The following SMARCD2 variants were observed in gnomAD, a reference collection of about 807,000 sequenced individuals.
SMARCD2 encodes the protein SWI/SNF-related matrix-associated actin-dependent regulator of chromatin subfamily D member 2.
In SMARCD2, 39 loss-of-function variants were observed where a neutral mutation model predicts 70.4. The ratio of observed to expected loss-of-function variants is 0.55; its 90% CI spans 0.43 to 0.72. The LOEUF (loss-of-function observed/expected upper bound fraction) is 0.72. Ranked by LOEUF, SMARCD2 falls within the 30% of genes least tolerant of loss-of-function variation. SMARCD2 has a pLI of 0.00. For synonymous variants in SMARCD2, 249 were observed against 279.4 expected (o/e 0.89, Z 1.08); for missense variants, 540 against 713.4 (o/e 0.76, Z 2.77).
rs756404684 is a variant in SMARCD2, at chr17:63,837,007, T to A, written c.482A>T (p.Asp161Val). The change falls in exon 4 of 13, where the codon GAT (aspartate) becomes GTT (valine). Residue 161 changes from aspartate (D) to valine (V), a missense_variant. By Grantham distance (152) the Asp-to-Val change is radical (BLOSUM62 -3). Transcript: ENST00000448276. The surrounding 1 kb of genome is among the most constrained non-coding windows in gnomAD (Gnocchi z 6.4). Reference sequence around the variant, plus strand: ...CAGCTTCCGCTCAAAAGCCAAGAGATCCATGTACGCCTGAGACTCTGGAAC... The same window carrying A: ...CAGCTTCCGCTCAAAAGCCAAGAGAACCATGTACGCCTGAGACTCTGGAAC... The part of the protein sequence containing the change: ...ELVPESQAYM[D>V]LLAFERKLDQ... 6.2e-7 allele frequency: 1 copy of A among 1,613,948 alleles called. No individual in the cohort carries two copies. The highest frequency in any genetic ancestry group is 1.1e-5 in the South Asian group (1 of 91,088).
chr17:63,835,387 T>G, intron 5 of SMARCD2, 25 bp downstream of exon 5: 1 of 1,606,190 alleles, frequency 6.2e-7, no homozygotes, highest in Non-Finnish European at 8.5e-7. Context: ...CCTCCTTCCC[T>G]CCAGAACCTC....
chr17:63,841,997 G>C (rs1904481613), intron 1 of SMARCD2, among the ~76,000 whole-genome samples: 1 of 152,214 alleles, frequency 6.6e-6, no homozygotes, highest in Non-Finnish European at 1.5e-5. Flanking sequence ...GCAGCCGGGA[G>C]CCATCTCAGA....
rs2040272648 is a variant in SMARCD2 at position 63,836,905 on chromosome 17, G to C, written c.567+17C>G. On this transcript the variant is annotated intron_variant, in intron 4 of 12. Transcript: ENST00000448276. Reference sequence around the variant, plus strand: ...AGGAAACCTGGGAAGGCTAGAGGTGGTCAGGGCCACACATACTGTCAGAGG... The same window carrying C: ...AGGAAACCTGGGAAGGCTAGAGGTGCTCAGGGCCACACATACTGTCAGAGG... The C allele has an allele frequency of 1.2e-6, 2 of 1,605,470 alleles. No homozygotes were observed. Among genetic ancestry groups the C allele is most frequent in the Non-Finnish European group, 1.7e-6 (2 of 1,173,366 alleles).
intron 1 of SMARCD2, chr17:63,838,605 C>A: frequency 2.7e-6 from 4 of 1,489,670 alleles, no homozygotes; most frequent in Non-Finnish European, 3.6e-6. Flanking sequence ...AGAAGGATTT[C>A]CCACCTGAGG....
chr17:63,838,032 T>G (rs944583274), intron 1 of SMARCD2, among the ~76,000 whole-genome samples: 1 of 152,124 alleles, frequency 6.6e-6, no homozygotes, highest in Non-Finnish European at 1.5e-5. Context: ...TCTCCCATCA[T>G]GAAGAAGAAG....
At chr17:63,838,494 A>G (rs977192064) in intron 1 of SMARCD2, 1 of 984,148 alleles carries the variant, frequency 1.0e-6, no homozygotes, top group Non-Finnish European at 1.4e-6. Context: ...GGCAATCCCA[A>G]GCTGGAGAAG....
chr17:63,839,231 G>A, intron 1 of SMARCD2: 1 of 985,426 alleles, frequency 1.0e-6, no homozygotes, highest in Non-Finnish European at 1.2e-6. Flanking sequence ...GTTTTTCCTA[G>A]TGCCTGAGAC....
Position 63,833,630 on chromosome 17 carries a change from G to A in SMARCD2, c.1274C>T (p.Ala425Val). Residue 425 changes from alanine (A) to valine (V), a missense_variant, in exon 10 of 13, where the codon GCC becomes GTC. Physicochemically the swap from Ala to Val is moderately conservative, Grantham distance 64. Coordinates refer to ENST00000448276, the MANE Select transcript of SMARCD2 (RefSeq NM_001098426.2). This position sits in a 1 kb window ranked among gnomAD's most constrained non-coding sequence, Gnocchi z 4.3. Reference sequence around the variant, plus strand: ...GATCTCCTGCTGATTGGTGGTAGAGGCCAGAAAATTGCTCATTTGGGCCTT... The same window carrying A: ...GATCTCCTGCTGATTGGTGGTAGAGACCAGAAAATTGCTCATTTGGGCCTT... Reference protein sequence around the residue: ...PLKAQMSNFLASTTNQQEIAS... With the variant: ...PLKAQMSNFLVSTTNQQEIAS... 1 of 1,613,978 alleles carries A rather than the reference G, an allele frequency of 6.2e-7. No homozygotes were observed. Among genetic ancestry groups the A allele is most frequent in the Non-Finnish European group, 8.5e-7 (1 of 1,179,890 alleles).
intron 4 of SMARCD2, chr17:63,836,607 C>A (rs1232156478): frequency 4.5e-6 from 1 of 221,038 alleles, no homozygotes; most frequent in Non-Finnish European, 8.9e-6. Flanking sequence ...CTTTTGACCA[C>A]CACCCATAAG....
At chr17:63,839,990 G>A (rs888389626) in intron 1 of SMARCD2, among the ~76,000 whole-genome samples, 1 of 152,056 alleles carries the variant, frequency 6.6e-6, no homozygotes, top group Non-Finnish European at 1.5e-5. Context: ...TTAGCCGGGC[G>A]TGGTGGTGGG....
In SMARCD2 at chr17:63,834,486, C is replaced by G; in HGVS notation, c.909G>C (p.Met303Ile). 1 of 1,590,708 alleles carries G rather than the reference C, an allele frequency of 6.3e-7. No individual in the cohort carries two copies. The highest frequency in any genetic ancestry group is 8.6e-7 in the Non-Finnish European group (1 of 1,164,388). The change falls in exon 7 of 13, where the codon ATG becomes ATC. Residue 303 changes from methionine (M) to isoleucine (I), a missense_variant. Transcript: ENST00000448276. The surrounding 1 kb of genome is among the most constrained non-coding windows in gnomAD (Gnocchi z 5.6). ...DLNVKCTLLL[M>I]LDHQPPQYKL... Reference sequence around the variant, plus strand: ...GGGTCTCTGTCACCTGATGATCCAGCATGAGCAGGAGGGTGCACTTGACGT... The same window carrying G: ...GGGTCTCTGTCACCTGATGATCCAGGATGAGCAGGAGGGTGCACTTGACGT...
intron 4 of SMARCD2, 40 bp from the exon 5 acceptor site, chr17:63,835,607 G>T (rs759717596): frequency 1.2e-6 from 2 of 1,604,180 alleles, no homozygotes; most frequent in Non-Finnish European, 1.7e-6. Context: ...GGTGGACCAA[G>T]ATGCTGGGAC....
At chr17:63,838,465 T>C (rs2040292772) in intron 1 of SMARCD2, 1 of 696,652 alleles carries the variant, frequency 1.4e-6, no homozygotes, top group East Asian at 3.4e-5. Flanking sequence ...CAGGACTGGC[T>C]CTGGCTCCGT....
In SMARCD2 at chr17:63,837,397, C is replaced by G. The variant is rs994593685; in HGVS notation, c.401+44G>C. ...GATAGAAGGAAACCCTCTGCTACCACCAGAGCTGAGTTAGGCAGAGTGAGA... is the reference window on the plus strand; with the variant it reads ...GATAGAAGGAAACCCTCTGCTACCAGCAGAGCTGAGTTAGGCAGAGTGAGA... On this transcript the variant is annotated intron_variant, in intron 2 of 12. Coordinates refer to ENST00000448276, the MANE Select transcript of SMARCD2 (RefSeq NM_001098426.2). The surrounding 1 kb of genome is among the most constrained non-coding windows in gnomAD (Gnocchi z 6.4). 1.3e-6 allele frequency: 2 copies of G among 1,557,404 alleles called. No homozygotes were observed. Among genetic ancestry groups the G allele is most frequent in the Non-Finnish European group, 1.8e-6 (2 of 1,138,578 alleles).
Position 63,833,787 on chromosome 17 carries a change from C to T in SMARCD2, c.1182-65G>A. 6.2e-7 allele frequency: 1 copy of T among 1,602,148 alleles called. No homozygotes were observed. On this transcript the variant is annotated intron_variant, in intron 9 of 12. Transcript: ENST00000448276. The surrounding 1 kb of genome is among the most constrained non-coding windows in gnomAD (Gnocchi z 4.3). ...TTCATCCTGCCCACCTGGGCCAAAT[C>T]TGGGGCCCATTCTCTGCACACACTC...
At chr17:63,835,334 G>A in intron 5 of SMARCD2, 78 bp downstream of exon 5, 5 of 1,451,782 alleles carry the variant, frequency 3.4e-6, no homozygotes, top group Non-Finnish European at 3.8e-6. Context: ...TGCTGCTCAG[G>A]CTAGTATCAA....
chr17:63,834,930 G>C lies in SMARCD2; in HGVS notation c.724-130C>G, dbSNP rs1056501136. ...TACTGAAGATTCCTGGGCCCTGAAG[G>C]ATGGAAGCAGGACTCTGGGCAGACT... is the stretch of plus-strand genomic sequence containing the variant. On this transcript the variant is annotated intron_variant, in intron 5 of 12. Transcript: ENST00000448276. The surrounding 1 kb of genome is among the most constrained non-coding windows in gnomAD (Gnocchi z 5.6). The C allele has an allele frequency of 5.9e-6, 4 of 681,182 alleles. No homozygotes were observed. In the African/African-American group the frequency reaches 7.2e-5, roughly 12 times the overall value. 42.2% of individuals were successfully genotyped at this position (681,182 alleles called of 1,614,324 possible).
At position 63,842,593 on chromosome 17, in the gene SMARCD2, G is replaced by A; in HGVS notation, c.82C>T (p.Pro28Ser). ...ATGCCGGGTCCCGCGGGGGGAGGCG[G>A]CGCTCCCAGGGCCGCAGCCACGGCG... ...GGAVAAALGA[P>S]PPPAGPGMLP... Residue 28 changes from proline to serine, a missense_variant, in exon 1 of 13, where the codon CCG becomes TCG. Physicochemically the swap from Pro to Ser is moderately conservative, Grantham distance 74. Coordinates refer to ENST00000448276, the MANE Select transcript of SMARCD2 (RefSeq NM_001098426.2). 8.2e-7 allele frequency: 1 copy of A among 1,212,830 alleles called. No homozygotes were observed. Among genetic ancestry groups the A allele is most frequent in the Non-Finnish European group, 1.0e-6 (1 of 976,290 alleles). The allele number at this position is 1,212,830 out of a possible 1,614,324, so 75.1% of individuals were successfully genotyped here. A position where few individuals can be genotyped will look rare whatever the true frequency, so the allele number is the denominator to read the frequency against.
chr17:63,842,033 A>C (rs907191213), intron 1 of SMARCD2, among the ~76,000 whole-genome samples: 1 of 152,174 alleles, frequency 6.6e-6, no homozygotes, highest in Admixed American at 6.5e-5. Context: ...CCAGTTCCCA[A>C]TCAGAAAAAA....
Sources: allele counts gnomAD v4.1 joint callset (sites outside exome capture counted in the v4.1 genomes callset), GRCh38; gene constraint gnomAD v4.1.1; non-coding constraint Gnocchi (gnomAD v3.1); transcripts MANE v1.5; gene names NCBI Gene and HGNC (gene_info 2026-07-23, HGNC 2026-07-21).